Variants in EPM2A observed in about 807,000 individuals in gnomAD.
EPM2A encodes EPM2A glucan phosphatase, laforin.
EPM2A carries 21 observed loss-of-function variants against 26.5 expected under a neutral mutation model. The ratio of observed to expected loss-of-function variants is 0.79; its 90% CI spans 0.56 to 1.14. EPM2A has a LOEUF of 1.14. Among genes scored for constraint, EPM2A ranks in the 50% most tolerant of loss-of-function variants. The pLI is 0.00. For missense variants in EPM2A, 458 were observed against 440.8 expected (o/e 1.04, Z -0.35); for synonymous variants, 217 against 177.6 (o/e 1.22, Z -1.76).
chr6:145,727,520 C>T (rs746825545), intron 1 of EPM2A, among the ~76,000 whole-genome samples: 1 of 150,514 alleles, frequency 6.6e-6, no homozygotes, highest in Non-Finnish European at 1.5e-5. Flanking sequence ...AAAAAAAAAA[C>T]CTCCGTTTCT....
chr6:145,658,948 T>C (rs1326320073), intron 2 of EPM2A, among the ~76,000 whole-genome samples: 14 of 152,154 alleles, frequency 9.2e-5, no homozygotes, highest in Admixed American at 8.5e-4. Context: ...TTTCAGGCTA[T>C]AAAGTTGGAT....
chr6:145,730,107 TC>T (rs1179421947), intron 1 of EPM2A, among the ~76,000 whole-genome samples: 1 of 152,142 alleles, frequency 6.6e-6, no homozygotes, highest in Non-Finnish European at 1.5e-5. Context: ...TCCTGAGGTC[TC>T]CCCAGCCATG....
chr6:145,692,498 G>T (rs1003980396), intron 1 of EPM2A, among the ~76,000 whole-genome samples: 18 of 151,916 alleles, frequency 1.2e-4, no homozygotes, highest in Non-Finnish European at 2.5e-4. Flanking sequence ...CATACAAATT[G>T]TGTTTTCTGA....
intron 1 of EPM2A, among the ~76,000 whole-genome samples, chr6:145,696,808 TGTG>T: frequency 6.6e-6 from 1 of 151,006 alleles, no homozygotes; most frequent in East Asian, 1.9e-4. Context: ...TGTGTGTGTG[TGTG>T]TGTGTGTGTG....
intron 4 of EPM2A, among the ~76,000 whole-genome samples, chr6:145,388,589 T>A (rs1402985166): frequency 1.3e-5 from 2 of 152,180 alleles, no homozygotes; most frequent in Admixed American, 1.3e-4. Context: ...CAGGTATACA[T>A]GTGCCATGGT....
In EPM2A at chr6:145,692,783, T is replaced by C. The variant is rs529324197; in HGVS notation, c.302-6487A>G. Reference sequence around the variant, plus strand: ...TGTTCCATTGGTCTATGTGTCCATTTTGGTACAAGTACCATACTGTTTTGG... The same window carrying C: ...TGTTCCATTGGTCTATGTGTCCATTCTGGTACAAGTACCATACTGTTTTGG... On this transcript the variant is annotated intron_variant, in intron 1 of 3. Transcript: ENST00000367519. 5.8e-4 allele frequency among the ~76,000 whole-genome samples: 88 copies of C among 152,260 alleles called. 1 individual carries two copies. In the South Asian group the frequency reaches 0.018, roughly 31 times the overall value.
chr6:145,517,336 T>C (rs1447297974), intron 2 of EPM2A, among the ~76,000 whole-genome samples: 1 of 150,468 alleles, frequency 6.6e-6, no homozygotes, highest in Admixed American at 6.6e-5. Context: ...GATCTCATTA[T>C]GTGTTCTTAC....
chr6:145,629,654 A>C (rs767145317), intron 3 of EPM2A: 1 of 152,336 alleles, frequency 6.6e-6, no homozygotes, highest in Admixed American at 6.5e-5. Flanking sequence ...CTCCAGGGAA[A>C]GCTGGGTGGG....
chr6:145,597,471 TTTTTTC>T (rs1435061564), intron 2 of EPM2A, among the ~76,000 whole-genome samples: 5 of 149,344 alleles, frequency 3.3e-5, no homozygotes, highest in African/African-American at 7.5e-5. Flanking sequence ...CTGTTTATTT[TTTTTTC>T]TTTTTTTTGG....
intron 4 of EPM2A, among the ~76,000 whole-genome samples, chr6:145,447,804 A>T (rs1049669127): frequency 6.6e-6 from 1 of 152,118 alleles, no homozygotes; most frequent in Admixed American, 6.5e-5. Context: ...GACAAAAAAT[A>T]CTCAGAGGAA....
intron 2 of EPM2A, among the ~76,000 whole-genome samples, chr6:145,684,059 T>C (rs1780744645): frequency 6.6e-6 from 1 of 152,044 alleles, no homozygotes; most frequent in Non-Finnish European, 1.5e-5. Context: ...GAAAGATTCA[T>C]GAATATACTC....
intron 4 of EPM2A, among the ~76,000 whole-genome samples, chr6:145,411,528 T>A (rs527804161): frequency 6.6e-6 from 1 of 151,894 alleles, no homozygotes; most frequent in Non-Finnish European, 1.5e-5. Context: ...ATGAAATCAA[T>A]TAAGTTCAGA....
intron 2 of EPM2A, among the ~76,000 whole-genome samples, chr6:145,518,786 T>C (rs993180317): frequency 6.6e-6 from 1 of 152,090 alleles, no homozygotes; most frequent in Non-Finnish European, 1.5e-5. Flanking sequence ...TCAAACACCA[T>C]ATTAGCTAAA....
intron 4 of EPM2A, among the ~76,000 whole-genome samples, chr6:145,459,490 A>G (rs1229701352): frequency 1.3e-5 from 2 of 152,336 alleles, no homozygotes; most frequent in Non-Finnish European, 2.9e-5. Context: ...TAACTTTCCA[A>G]TCAACTCAAT....
chr6:145,427,268 C>T (rs1003377856), intron 4 of EPM2A, among the ~76,000 whole-genome samples: 1 of 152,116 alleles, frequency 6.6e-6, no homozygotes, highest in African/African-American at 2.4e-5. Context: ...CATGTGGAGT[C>T]TGTGGGGAGG....
At position 145,489,998 on chromosome 6, in the gene EPM2A, T is replaced by C; in HGVS notation, c.555+12524A>G. 2.2e-6 allele frequency: 3 copies of C among 1,372,232 alleles called. No individual in the cohort carries two copies. The South Asian group carries it at 3.9e-5, about 18-fold the overall frequency. 85.0% of individuals were successfully genotyped at this position (1,372,232 alleles called of 1,614,324 possible). On this transcript the variant is annotated intron_variant, in intron 4 of 4. Coordinates refer to the EPM2A transcript ENST00000638717. Reference sequence around the variant, plus strand: ...AAGTACCTGGCTGTCCTGGAGCAGATCTGGATGGACGTGTTCCACAGTCAC... The same window carrying C: ...AAGTACCTGGCTGTCCTGGAGCAGACCTGGATGGACGTGTTCCACAGTCAC...
chr6:145,434,602 A>G (rs865838010), intron 4 of EPM2A, among the ~76,000 whole-genome samples: 2 of 152,140 alleles, frequency 1.3e-5, no homozygotes, highest in Non-Finnish European at 2.9e-5. Context: ...TATTAAGCAT[A>G]GTTATTTTTT....
At chr6:145,478,416 A>G (rs1779567847) in intron 4 of EPM2A, among the ~76,000 whole-genome samples, 1 of 151,946 alleles carries the variant, frequency 6.6e-6, no homozygotes, top group African/African-American at 2.4e-5. Flanking sequence ...TCAAATAAAT[A>G]GAAAAGAAAA....
At chr6:145,385,667 G>A (rs1778250325) in intron 4 of EPM2A, among the ~76,000 whole-genome samples, 1 of 152,068 alleles carries the variant, frequency 6.6e-6, no homozygotes, top group Admixed American at 6.6e-5. Flanking sequence ...AGGTGACGGT[G>A]TTTCTGTACA....
Sources: gnomAD v4.1 joint callset for allele counts (sites outside exome capture counted in the v4.1 genomes callset) on GRCh38, gnomAD v4.1.1 for gene constraint, MANE v1.5 for transcripts, NCBI Gene and HGNC (gene_info 2026-07-23, HGNC 2026-07-21) for gene names.